FAXC: variants seen among roughly 807,000 people sequenced by gnomAD.
FAXC encodes failed axon connections homolog.
FAXC carries 10 observed loss-of-function variants against 41.9 expected under a neutral mutation model. The ratio of observed to expected loss-of-function variants is 0.24; its 90% CI spans 0.15 to 0.41. The LOEUF (loss-of-function observed/expected upper bound fraction) is 0.41, where lower values mean the gene tolerates loss of function less well. Ranked by LOEUF, FAXC falls within the 10% of genes least tolerant of loss-of-function variation. The pLI is 1.00. For missense variants in FAXC, 399 were observed against 510.9 expected, an observed-to-expected ratio of 0.78 and a Z score of 2.11; for synonymous variants, 183 against 183.8, an observed-to-expected ratio of 1.00 and a Z score of 0.03.
intron 2 of FAXC, among the ~76,000 whole-genome samples, chr6:99,335,361 T>A (rs1426197272): frequency 6.6e-6 from 1 of 152,270 alleles, no homozygotes; most frequent in African/African-American, 2.4e-5. Flanking sequence ...CCTCCTTGCT[T>A]TGTGCTAGTA....
chr6:99,295,057 G>A (rs147844274), intron 4 of FAXC, among the ~76,000 whole-genome samples: 122 of 152,306 alleles, frequency 8.0e-4, no homozygotes, highest in African/African-American at 2.5e-3. Context: ...CAGGAGGGCT[G>A]AGCTGTGAAA....
intron 4 of FAXC, among the ~76,000 whole-genome samples, chr6:99,296,667 T>G (rs34824763): frequency 0.12 from 17,779 of 152,130 alleles, 1,399 homozygotes; most frequent in Middle Eastern, 0.19. Context: ...AGTAGCAAAG[T>G]GACTTCAGGT....
At position 99,327,640 on chromosome 6, in the gene FAXC, CT is replaced by C. The variant is rs1582672787; in HGVS notation, c.600-3974del. On this transcript the variant is annotated intron_variant, in intron 3 of 5. Transcript: ENST00000389677. ...GGAGCCATCTAACTCACACCTATGA[CT>C]TCACACTCATGTCTCCCATATCCAG... Among the ~76,000 whole-genome samples the C allele has an allele frequency of 3.9e-5, 6 of 152,262 alleles. No homozygotes were observed. In the East Asian group the frequency reaches 1.2e-3, roughly 29 times the overall value.
intron 4 of FAXC, among the ~76,000 whole-genome samples, chr6:99,293,698 G>GTGTGTGTGTGTC (rs1312394184): frequency 3.8e-4 from 55 of 143,978 alleles, no homozygotes; most frequent in Non-Finnish European, 7.2e-4. Context: ...GTGTGTGTGT[G>GTGTGTGTGTGTC]TGTGTGTGTG....
chr6:99,311,349 G>A (rs1772146309), intron 4 of FAXC, among the ~76,000 whole-genome samples: 1 of 152,148 alleles, frequency 6.6e-6, no homozygotes, highest in South Asian at 2.1e-4. Context: ...GGCCGAGGTG[G>A]GTGGATCACG....
At chr6:99,295,364 G>A (rs901640104) in intron 4 of FAXC, among the ~76,000 whole-genome samples, 9 of 152,180 alleles carry the variant, frequency 5.9e-5, no homozygotes, top group Admixed American at 5.9e-4. Flanking sequence ...TGCAAAAATA[G>A]CACAGTGTGT....
At position 99,325,954 on chromosome 6, in the gene FAXC, G is replaced by A. The variant is rs552150085; in HGVS notation, c.600-2287C>T. Among the ~76,000 whole-genome samples the A allele has an allele frequency of 2.6e-5, 4 of 152,256 alleles. No homozygotes were observed. The East Asian group carries it at 7.7e-4, about 29-fold the overall frequency. On this transcript the variant is annotated intron_variant, in intron 3 of 5. Transcript: ENST00000389677. Reference sequence around the variant, plus strand: ...ATAAGCATAACTGATCGAGCTCACCGGGCAGAGCAGAGGGTGAAGGTGTAC... The same window carrying A: ...ATAAGCATAACTGATCGAGCTCACCAGGCAGAGCAGAGGGTGAAGGTGTAC...
chr6:99,295,214 T>G (rs1771434637), intron 4 of FAXC, among the ~76,000 whole-genome samples: 1 of 152,252 alleles, frequency 6.6e-6, no homozygotes, highest in African/African-American at 2.4e-5. Flanking sequence ...TCTAAAATTA[T>G]ATATGTGTAC....
In FAXC at chr6:99,281,521, G is replaced by A. The variant is rs1770836419; in HGVS notation, c.941-68C>T. On this transcript the variant is annotated intron_variant, in intron 5 of 5. Transcript: ENST00000389677. ...GCAGTCTACCACTTCTATGGTCTGT[G>A]TTGCCCCAAAACTCCAATGTTGAAA... The A allele has an allele frequency of 4.8e-6, 6 of 1,259,660 alleles. No individual in the cohort carries two copies. In the South Asian group the frequency reaches 6.9e-5, roughly 14 times the overall value. 78.0% of individuals were successfully genotyped at this position (1,259,660 alleles called of 1,614,324 possible). A position where few individuals can be genotyped will look rare whatever the true frequency, so the allele number is the denominator to read the frequency against.
Position 99,275,072 on chromosome 6 carries a change from G to T in FAXC, c.*6092C>A, listed in dbSNP as rs950515053. On this transcript the variant is annotated 3_prime_UTR_variant, in exon 6 of 6. Coordinates refer to ENST00000389677, the MANE Select transcript of FAXC (RefSeq NM_032511.4). ...CCATGGGGTAACTAAAAACAAAAAA[G>T]GTATTAAATAAGGAAAAAAGCTTAA... is the stretch of plus-strand genomic sequence containing the variant. 6.6e-6 allele frequency: 1 copy of T among 151,796 alleles called. No individual in the cohort carries two copies. The highest frequency in any genetic ancestry group is 6.6e-5 in the Admixed American group (1 of 15,230). 9.4% of individuals were successfully genotyped at this position (151,796 alleles called of 1,614,324 possible).
chr6:99,325,732 A>C (rs1772778111), intron 3 of FAXC, among the ~76,000 whole-genome samples: 1 of 152,210 alleles, frequency 6.6e-6, no homozygotes, highest in Non-Finnish European at 1.5e-5. Context: ...TAAATTCACA[A>C]AAAAAAGTTA....
intron 2 of FAXC, among the ~76,000 whole-genome samples, chr6:99,339,432 C>G (rs1441833562): frequency 6.6e-6 from 1 of 152,182 alleles, no homozygotes; most frequent in Non-Finnish European, 1.5e-5. Flanking sequence ...AATTCCCAGG[C>G]AGAGAAGTTG....
rs1770532302 is a variant in FAXC at position 99,274,595 on chromosome 6, A to T, written c.*6569T>A. 1 of 152,228 alleles carries T rather than the reference A, an allele frequency of 6.6e-6. No homozygotes were observed. Among genetic ancestry groups the T allele is most frequent in the African/African-American group, 2.4e-5 (1 of 41,462 alleles). 9.4% of individuals were successfully genotyped at this position (152,228 alleles called of 1,614,324 possible). On this transcript the variant is annotated 3_prime_UTR_variant, in exon 6 of 6. Coordinates refer to ENST00000389677, the MANE Select transcript of FAXC (RefSeq NM_032511.4). ...CATGATGTAGATCACTGGGAAAAAA[A>T]CATGTGTTTACAATAAGCTTGTTCT...
chr6:99,281,863 G>C (rs1383335560), intron 5 of FAXC, among the ~76,000 whole-genome samples: 1 of 152,208 alleles, frequency 6.6e-6, no homozygotes, highest in Non-Finnish European at 1.5e-5. Flanking sequence ...TTGTTTACCA[G>C]CAAACAAGTT....
intron 1 of FAXC, 101 bp downstream of exon 1, chr6:99,349,006 C>T: frequency 8.5e-7 from 1 of 1,171,460 alleles, no homozygotes. Flanking sequence ...GGCATCTGGG[C>T]AGCTTGACCG....
rs1165098658 is a variant in FAXC at position 99,333,557 on chromosome 6, G to A, written c.403-10C>T. On this transcript the variant is annotated splice_polypyrimidine_tract_variant and intron_variant, in intron 2 of 5. Transcript: ENST00000389677. ...TTCCACCAAAATAGTTCTAAGCAGA[G>A]TACATTTTTAAAAAGAGAAAAGCAA... 1.3e-6 allele frequency: 2 copies of A among 1,574,318 alleles called. No individual in the cohort carries two copies. Among genetic ancestry groups the A allele is most frequent in the East Asian group, 2.2e-5 (1 of 44,626 alleles).
At chr6:99,291,329 T>G (rs942375160) in intron 5 of FAXC, among the ~76,000 whole-genome samples, 2 of 152,176 alleles carry the variant, frequency 1.3e-5, no homozygotes, top group Non-Finnish European at 2.9e-5. Flanking sequence ...GGAGCCCCCA[T>G]TGCCCAAAGG....
chr6:99,318,263 ACACACACACACACACACACACACAC>A, intron 4 of FAXC, among the ~76,000 whole-genome samples: 1 of 124,468 alleles, frequency 8.0e-6, no homozygotes, highest in Non-Finnish European at 1.8e-5. Flanking sequence ...CGTCTCAAAC[ACACACACACACACACACACACACAC>A]ACACACACAC....
intron 4 of FAXC, among the ~76,000 whole-genome samples, chr6:99,293,652 A>C: frequency 7.5e-6 from 1 of 133,258 alleles, no homozygotes; most frequent in East Asian, 2.1e-4. Flanking sequence ...TTTTCCCATA[A>C]TGCTCTATAC....
Sources: gnomAD v4.1 joint callset for allele counts (sites outside exome capture counted in the v4.1 genomes callset) on GRCh38, gnomAD v4.1.1 for gene constraint, MANE v1.5 for transcripts, NCBI Gene and HGNC (gene_info 2026-07-23, HGNC 2026-07-21) for gene names.